NBEAL2: variants seen among roughly 807,000 people sequenced by gnomAD.
NBEAL2 encodes the protein neurobeachin like 2.
Under a neutral mutation model 299.8 loss-of-function variants are expected in NBEAL2, and 160 were observed. That is an observed-to-expected ratio of 0.53 (90% CI 0.47 to 0.61). The LOEUF is 0.61. Ranked by LOEUF, NBEAL2 falls within the 20% of genes least tolerant of loss-of-function variation. NBEAL2 has a pLI of 0.00. For missense variants in NBEAL2, 3,112 were observed against 3,649.0 expected (o/e 0.85, Z 3.79); for synonymous variants, 1,493 against 1,542.3 (o/e 0.97, Z 0.75).
At chr3:47,005,661 A>G in intron 41 of NBEAL2, 42 bp downstream of exon 41, 1 of 1,609,306 alleles carries the variant, frequency 6.2e-7, no homozygotes, top group Non-Finnish European at 8.5e-7. Flanking sequence ...AGGTGTAGGG[A>G]TGGAGAGCAG....
At chr3:47,005,130 A>G in intron 39 of NBEAL2, 34 bp downstream of exon 39, 1 of 1,613,878 alleles carries the variant, frequency 6.2e-7, no homozygotes, top group South Asian at 1.1e-5. Flanking sequence ...CTCAGCGGGT[A>G]GGGAAAGGCG....
At chr3:46,993,912 C>T (rs772546645) in intron 10 of NBEAL2, 25 bp from the exon 11 acceptor site, 3 of 1,597,932 alleles carry the variant, frequency 1.9e-6, no homozygotes, top group Non-Finnish European at 1.7e-6. Context: ...CCCTGCCTCT[C>T]CTGATGGCCC....
At chr3:47,007,759 C>T in intron 48 of NBEAL2, 57 bp from the exon 49 acceptor site, 2 of 1,608,130 alleles carry the variant, frequency 1.2e-6, no homozygotes, top group Middle Eastern at 1.6e-4. Flanking sequence ...GGTTCTGAGG[C>T]TGGCCAGGGC....
intron 48 of NBEAL2, 59 bp from the exon 49 acceptor site, chr3:47,007,757 G>A: frequency 1.2e-6 from 2 of 1,608,080 alleles, no homozygotes; most frequent in South Asian, 2.2e-5. Context: ...CGGGTTCTGA[G>A]GCTGGCCAGG....
At position 47,001,899 on chromosome 3, in the gene NBEAL2, TC is replaced by T. The variant is rs746194592; in HGVS notation, c.4783-20del. 6.2e-7 allele frequency: 1 copy of T among 1,605,792 alleles called. No homozygotes were observed. Among genetic ancestry groups the T allele is most frequent in the South Asian group, 1.1e-5 (1 of 90,974 alleles). On this transcript the variant is annotated intron_variant, in intron 30 of 53. Transcript: ENST00000450053. This position sits in a 1 kb window ranked among gnomAD's most constrained non-coding sequence, Gnocchi z 6.1. ...AGCTCCAAGAGTGGCTGGGTGCCAC[TC>T]ATCTCTCTTGCGCCCACAGCTGCAT...
At chr3:46,983,731 C>A (rs1479446986) in intron 1 of NBEAL2, among the ~76,000 whole-genome samples, 1 of 152,078 alleles carries the variant, frequency 6.6e-6, no homozygotes, top group Non-Finnish European at 1.5e-5. Context: ...AGGAGAAGGG[C>A]CTGTAGTGAT....
chr3:46,985,640 G>A (rs557788809), intron 1 of NBEAL2, among the ~76,000 whole-genome samples: 2 of 152,138 alleles, frequency 1.3e-5, no homozygotes, highest in Non-Finnish European at 2.9e-5. Context: ...CAGGGACACC[G>A]GCCTTCCACA....
intron 1 of NBEAL2, among the ~76,000 whole-genome samples, chr3:46,983,117 G>A (rs1197304403): frequency 6.6e-6 from 1 of 152,078 alleles, no homozygotes; most frequent in East Asian, 1.9e-4. Context: ...GGTGACAGGA[G>A]GGAGCAGAAG....
chr3:46,998,172 C>G lies in NBEAL2; in HGVS notation c.3064C>G (p.His1022Asp), dbSNP rs1176608090. The change falls in exon 21 of 54, where the codon CAT becomes GAT. Residue 1022 changes from histidine to aspartate, a missense_variant. His to Asp is a moderately conservative substitution (Grantham distance 81, BLOSUM62 -1). This residue lies in a region of NBEAL2 where 2,243 missense variants were observed against 2,538.1 expected (regional missense o/e 0.88). Coordinates refer to ENST00000450053, the MANE Select transcript of NBEAL2 (RefSeq NM_015175.3). ...GCCCCTCCTGTACCTACTCTACCAG[C>G]ATTTGCTCTTCAACTTTCACCTCTG... The part of the protein sequence containing the change: ...SGPLLYLLYQ[H>D]LLFNFHLWTL... 1 of 1,608,394 alleles carries G rather than the reference C, an allele frequency of 6.2e-7. No individual in the cohort carries two copies. The highest frequency in any genetic ancestry group is 8.5e-7 in the Non-Finnish European group (1 of 1,177,596).
rs2036925049 is a variant in NBEAL2, at chr3:47,000,923, G to C, written c.4306-78G>C. ...GCTACCCCAGGAGGGGTGCTGAGTG[G>C]GGATGGGTGGGCGTCAGCCTGATTC... On this transcript the variant is annotated intron_variant, in intron 27 of 53. Coordinates refer to ENST00000450053, the MANE Select transcript of NBEAL2 (RefSeq NM_015175.3). The surrounding 1 kb of genome is among the most constrained non-coding windows in gnomAD (Gnocchi z 4.5). The C allele has an allele frequency of 6.5e-7, 1 of 1,541,192 alleles. No individual in the cohort carries two copies.
chr3:47,002,130 G>C lies in NBEAL2; in HGVS notation c.4993G>C (p.Val1665Leu). 6.4e-7 allele frequency: 1 copy of C among 1,550,702 alleles called. No homozygotes were observed. The highest frequency in any genetic ancestry group is 8.7e-7 in the Non-Finnish European group (1 of 1,147,050). ...AGCTGCAGAGCGCTGCTCCTGGCTGGTGCCACTGGTGCGCACGCTGCTAGA... is the reference window on the plus strand; with the variant it reads ...AGCTGCAGAGCGCTGCTCCTGGCTGCTGCCACTGGTGCGCACGCTGCTAGA... ...AAAAERCSWLVPLVRTLLDRA... is the reference protein window; with the variant it reads ...AAAAERCSWLLPLVRTLLDRA... The change falls in exon 31 of 54, where the codon GTG becomes CTG. Residue 1665 changes from valine (V) to leucine (L), a missense_variant. This residue lies in a region of NBEAL2 where 2,243 missense variants were observed against 2,538.1 expected (regional missense o/e 0.88). Transcript: ENST00000450053.
At chr3:47,009,170 C>A in intron 53 of NBEAL2, 46 bp downstream of exon 53, 1 of 1,552,706 alleles carries the variant, frequency 6.4e-7, no homozygotes, top group South Asian at 1.2e-5. Flanking sequence ...CGGGGCGGGG[C>A]GTGGCGCGGC....
At position 47,005,051 on chromosome 3, in the gene NBEAL2, C is replaced by T; in HGVS notation, c.6374C>T (p.Pro2125Leu). ...NPAVFRDLSKPIGVVNPKHAQ... is the reference protein window; with the variant it reads ...NPAVFRDLSKLIGVVNPKHAQ... ...GCCGTCTTCCGGGACCTGTCTAAGC[C>T]CATCGGTGTGGTGAACCCCAAGCAT... Residue 2125 changes from proline to leucine, a missense_variant, in exon 39 of 54, where the codon CCC becomes CTC. Around this residue, in one of 3 missense-constraint regions of NBEAL2, gnomAD observed 521 missense variants for 729.6 expected, o/e 0.71. Transcript: ENST00000450053. The T allele has an allele frequency of 3.1e-6, 5 of 1,613,664 alleles. No homozygotes were observed. Among genetic ancestry groups the T allele is most frequent in the Non-Finnish European group, 4.2e-6 (5 of 1,179,818 alleles).
Position 46,996,732 on chromosome 3 carries a change from C to T in NBEAL2, c.2474-19C>T. The T allele has an allele frequency of 6.2e-7, 1 of 1,607,108 alleles. No individual in the cohort carries two copies. The highest frequency in any genetic ancestry group is 8.5e-7 in the Non-Finnish European group (1 of 1,176,202). On this transcript the variant is annotated intron_variant, in intron 16 of 53. Transcript: ENST00000450053. The stretch of plus-strand genomic sequence containing the variant: ...GCCAGAGGCCTAGCAAGGTCTGAAG[C>T]CCCCTGCCCACCTCCCAGGGCCCAA...
At chr3:46,987,990 A>C (rs2035793580) in intron 1 of NBEAL2, 2 of 1,275,768 alleles carry the variant, frequency 1.6e-6, no homozygotes, top group African/African-American at 3.1e-5. Flanking sequence ...TTTCCCGTTC[A>C]CACCAAAGTT....
In NBEAL2 at chr3:46,979,786, G is replaced by A. The variant is rs886058588; in HGVS notation, c.-76G>A. 36 of 378,182 alleles carry A rather than the reference G, an allele frequency of 9.5e-5. No homozygotes were observed. The highest frequency in any genetic ancestry group is 2.3e-5 in the Non-Finnish European group (5 of 214,126). 23.4% of individuals were successfully genotyped at this position (378,182 alleles called of 1,614,324 possible). A position where few individuals can be genotyped will look rare whatever the true frequency, so the allele number is the denominator to read the frequency against. On this transcript the variant is annotated 5_prime_UTR_variant, in exon 1 of 54. Transcript: ENST00000450053. ...GTGACGCCCTCCGCCCATGGGCCTGGCCGAGGGCAACCGGCGGGCGGCGCG... is the reference window on the plus strand; with the variant it reads ...GTGACGCCCTCCGCCCATGGGCCTGACCGAGGGCAACCGGCGGGCGGCGCG...
chr3:47,001,222 C>CG lies in NBEAL2; in HGVS notation c.4484+48dup. ...GAGGGGGAGGGGCTTCAGGAAGCCTCGGGGGAAGGAGAGAAGATAGTCAGG... is the reference window on the plus strand; with the variant it reads ...GAGGGGGAGGGGCTTCAGGAAGCCTCGGGGGGAAGGAGAGAAGATAGTCAGG... On this transcript the variant is annotated intron_variant, in intron 28 of 53. Coordinates refer to ENST00000450053, the MANE Select transcript of NBEAL2 (RefSeq NM_015175.3). This position sits in a 1 kb window ranked among gnomAD's most constrained non-coding sequence, Gnocchi z 6.1. 5 of 1,600,036 alleles carry CG rather than the reference C, an allele frequency of 3.1e-6. No individual in the cohort carries two copies. Among genetic ancestry groups the CG allele is most frequent in the Non-Finnish European group, 4.3e-6 (5 of 1,170,494 alleles).
chr3:47,003,212 C>G lies in NBEAL2; in HGVS notation c.5623C>G (p.Pro1875Ala). ...GACACCCACCGAGGAGGCCTCACTG[C>G]CTCTGGCAGTGACCAAAGAGGCCAA... is the stretch of plus-strand genomic sequence containing the variant. ...PLTPTEEASL[P>A]LAVTKEAKVS... is the part of the protein sequence containing the mutation. The change falls in exon 35 of 54, where the codon CCT becomes GCT. Residue 1875 changes from proline to alanine, a missense_variant. Pro to Ala is a conservative substitution (Grantham distance 27). Transcript: ENST00000450053. The surrounding 1 kb of genome is among the most constrained non-coding windows in gnomAD (Gnocchi z 7.0). 6.2e-7 allele frequency: 1 copy of G among 1,612,974 alleles called. No individual in the cohort carries two copies.
chr3:46,999,246 G>T, intron 24 of NBEAL2, 69 bp from the exon 25 acceptor site: 1 of 1,556,132 alleles, frequency 6.4e-7, no homozygotes, highest in South Asian at 1.2e-5. Context: ...CCACACACCT[G>T]CACGGTGACT....
Sources: allele counts gnomAD v4.1 joint callset (sites outside exome capture counted in the v4.1 genomes callset), GRCh38; gene constraint gnomAD v4.1.1; regional missense constraint gnomAD v4.1.1; non-coding constraint Gnocchi (gnomAD v3.1); transcripts MANE v1.5; gene names NCBI Gene and HGNC (gene_info 2026-07-23, HGNC 2026-07-21).